Variants in OCA2 observed in about 807,000 individuals in gnomAD.
OCA2 encodes the protein P protein.
A neutral mutation model predicts 100.2 loss-of-function variants in OCA2; 77 were observed. The observed-to-expected ratio is 0.77, with a 90% CI of 0.64 to 0.93. The LOEUF is 0.93. Ranked by LOEUF, OCA2 falls within the 40% of genes least tolerant of loss-of-function variation. The pLI is 0.00. For synonymous variants in OCA2, 432 were observed against 439.2 expected, an observed-to-expected ratio of 0.98 and a Z score of 0.21; for missense variants, 1,062 against 1,089.1, an observed-to-expected ratio of 0.98 and a Z score of 0.35.
intron 1 of OCA2, among the ~76,000 whole-genome samples, chr15:28,083,469 C>T (rs2044715199): frequency 6.6e-6 from 1 of 152,170 alleles, no homozygotes; most frequent in East Asian, 1.9e-4. Context: ...GTTCTTGTAT[C>T]ATAAAAGTGA....
intron 23 of OCA2, among the ~76,000 whole-genome samples, chr15:27,833,491 C>G (rs1460967920): frequency 6.6e-6 from 1 of 152,228 alleles, no homozygotes; most frequent in Non-Finnish European, 1.5e-5. Context: ...AGGACATTTA[C>G]TCTTTAGTCC....
chr15:27,806,575 C>T (rs1401914180), intron 23 of OCA2, among the ~76,000 whole-genome samples: 2 of 152,216 alleles, frequency 1.3e-5, no homozygotes, highest in Non-Finnish European at 2.9e-5. Flanking sequence ...CTAGCGGCCC[C>T]GCTCCACCCG....
intron 2 of OCA2, among the ~76,000 whole-genome samples, chr15:28,046,128 G>C (rs2043340590): frequency 6.6e-6 from 1 of 152,150 alleles, no homozygotes; most frequent in Non-Finnish European, 1.5e-5. Flanking sequence ...CTCTTCCTGT[G>C]CATCATCCTC....
intron 2 of OCA2, among the ~76,000 whole-genome samples, chr15:28,079,460 AG>A (rs2044545776): frequency 6.6e-6 from 1 of 152,020 alleles, no homozygotes; most frequent in Admixed American, 6.5e-5. Flanking sequence ...GTGCTGTTTC[AG>A]GGGGCTCACC....
At chr15:27,761,484 T>A (rs2030837552) in intron 23 of OCA2, among the ~76,000 whole-genome samples, 1 of 150,194 alleles carries the variant, frequency 6.7e-6, no homozygotes, top group Non-Finnish European at 1.5e-5. Context: ...CCCAAAGCAG[T>A]TCTAGATAAA....
chr15:27,889,036 C>G (rs563058325), intron 19 of OCA2, among the ~76,000 whole-genome samples: 9 of 152,234 alleles, frequency 5.9e-5, no homozygotes, highest in African/African-American at 2.2e-4. Context: ...AGGAAGGCTT[C>G]CTAGAAGGCG....
At chr15:27,720,171 C>T in the OCA2 span, among the ~76,000 whole-genome samples, 1 of 152,058 alleles carries the variant, frequency 6.6e-6, no homozygotes, top group South Asian at 2.1e-4. Context: ...AATATGCATT[C>T]CATCGCATCC....
At chr15:27,968,033 A>T (rs527922802) in intron 14 of OCA2, among the ~76,000 whole-genome samples, 4 of 152,084 alleles carry the variant, frequency 2.6e-5, no homozygotes, top group African/African-American at 9.6e-5. Context: ...CAGCAGCGTC[A>T]TTGGTTGGTT....
chr15:27,963,273 A>G (rs2040463982), intron 15 of OCA2, among the ~76,000 whole-genome samples: 1 of 152,190 alleles, frequency 6.6e-6, no homozygotes, highest in African/African-American at 2.4e-5. Context: ...TTATCAGCCA[A>G]TCTGACCTAA....
intron 23 of OCA2, among the ~76,000 whole-genome samples, chr15:27,806,862 C>G (rs531675033): frequency 6.6e-6 from 1 of 152,202 alleles, no homozygotes; most frequent in Non-Finnish European, 1.5e-5. Context: ...GCTGCATGGC[C>G]GAGCCTCACT....
intron 19 of OCA2, among the ~76,000 whole-genome samples, chr15:27,885,906 T>C (rs1249212442): frequency 6.6e-6 from 1 of 152,156 alleles, no homozygotes; most frequent in African/African-American, 2.4e-5. Context: ...TTGCCACAGA[T>C]ATATATTAGA....
intron 18 of OCA2, among the ~76,000 whole-genome samples, chr15:27,943,131 A>G (rs2039708850): frequency 6.6e-6 from 1 of 152,120 alleles, no homozygotes; most frequent in African/African-American, 2.4e-5. Context: ...CCAAAAACAA[A>G]TCTCTAAGCC....
chr15:28,084,295 T>C (rs971549743), intron 1 of OCA2, among the ~76,000 whole-genome samples: 1 of 152,198 alleles, frequency 6.6e-6, no homozygotes, highest in Non-Finnish European at 1.5e-5. Context: ...GATGTTTTGT[T>C]ACAGCAGCAT....
chr15:27,826,195 C>T (rs149058467), intron 23 of OCA2, among the ~76,000 whole-genome samples: 251 of 152,310 alleles, frequency 1.6e-3, no homozygotes, highest in Non-Finnish European at 2.9e-3. Flanking sequence ...CTTCCCCAGG[C>T]GCCCTGTTAG....
chr15:27,994,554 C>T (rs2041661614), intron 9 of OCA2, among the ~76,000 whole-genome samples: 1 of 152,222 alleles, frequency 6.6e-6, no homozygotes, highest in Non-Finnish European at 1.5e-5. Flanking sequence ...TCTATCACTG[C>T]ACTCCTCTCT....
At chr15:27,792,457 C>G (rs946468576) in intron 23 of OCA2, among the ~76,000 whole-genome samples, 6 of 152,210 alleles carry the variant, frequency 3.9e-5, no homozygotes, top group Non-Finnish European at 5.9e-5. Flanking sequence ...TAAAAATCAT[C>G]TAGTGGCTTG....
At chr15:28,065,224 A>G (rs970813772) in intron 2 of OCA2, among the ~76,000 whole-genome samples, 3 of 152,054 alleles carry the variant, frequency 2.0e-5, no homozygotes, top group Non-Finnish European at 4.4e-5. Context: ...AGGGTTTTCT[A>G]TGGTCTTTTC....
At chr15:27,761,475 C>T (rs532418406) in intron 23 of OCA2, among the ~76,000 whole-genome samples, 1 of 150,958 alleles carries the variant, frequency 6.6e-6, no homozygotes. Flanking sequence ...AAAAAAAAAC[C>T]CAAAGCAGTT....
At chr15:27,952,118 A>G (rs945383660) in intron 17 of OCA2, among the ~76,000 whole-genome samples, 3 of 152,254 alleles carry the variant, frequency 2.0e-5, no homozygotes, top group Admixed American at 2.0e-4. Flanking sequence ...TGTCAAGAGT[A>G]GCACAGCCCT....
Sources: allele counts gnomAD v4.1 joint callset (sites outside exome capture counted in the v4.1 genomes callset), GRCh38; gene constraint gnomAD v4.1.1; transcripts MANE v1.5; gene names NCBI Gene and HGNC (gene_info 2026-07-23, HGNC 2026-07-21).